Variants in LRFN5 observed in about 807,000 individuals in gnomAD.
The protein encoded by LRFN5 is leucine-rich repeat and fibronectin type-III domain-containing protein 5.
LRFN5 carries 24 observed loss-of-function variants against 45.6 expected under a neutral mutation model. The observed-to-expected ratio is 0.53, with a 90% CI of 0.38 to 0.74. The LOEUF is 0.74. Ranked by LOEUF, LRFN5 falls within the 30% of genes least tolerant of loss-of-function variation. The pLI, the probability that LRFN5 is intolerant of heterozygous loss-of-function variation, is 0.00. For missense variants in LRFN5, 776 were observed against 861.5 expected, an observed-to-expected ratio of 0.90 and a Z score of 1.24; for synonymous variants, 340 against 313.8, an observed-to-expected ratio of 1.08 and a Z score of -0.88.
intron 1 of LRFN5, among the ~76,000 whole-genome samples, chr14:41,685,225 G>A (rs562295165): frequency 2.5e-4 from 38 of 152,242 alleles, no homozygotes; most frequent in Non-Finnish European, 4.9e-4. Flanking sequence ...AAGTCCTGGA[G>A]AACAGTATGG....
At chr14:41,837,971 A>G (rs982221374) in intron 2 of LRFN5, among the ~76,000 whole-genome samples, 25 of 152,326 alleles carry the variant, frequency 1.6e-4, no homozygotes, top group Admixed American at 1.4e-3. Flanking sequence ...ACATATCCAC[A>G]TGAGACTATA....
intron 1 of LRFN5, among the ~76,000 whole-genome samples, chr14:41,740,914 A>G (rs947837449): frequency 6.6e-6 from 1 of 152,046 alleles, no homozygotes; most frequent in Non-Finnish European, 1.5e-5. Context: ...AAAGAGTACT[A>G]TTTCTATAAA....
intron 2 of LRFN5, among the ~76,000 whole-genome samples, chr14:41,883,433 TTCCATCA>T (rs1181515386): frequency 2.0e-5 from 3 of 152,184 alleles, no homozygotes; most frequent in Admixed American, 1.3e-4. Context: ...TTCAAGTTTC[TTCCATCA>T]TATATAATTT....
intron 2 of LRFN5, among the ~76,000 whole-genome samples, chr14:41,878,178 A>G (rs1890250575): frequency 6.6e-6 from 1 of 152,156 alleles, no homozygotes; most frequent in Admixed American, 6.5e-5. Context: ...TCTAAGCTAT[A>G]TTATAAAATA....
At chr14:41,702,717 G>A (rs1179827351) in intron 1 of LRFN5, among the ~76,000 whole-genome samples, 1 of 151,396 alleles carries the variant, frequency 6.6e-6, no homozygotes, top group African/African-American at 2.4e-5. Context: ...CTCCTGCTTG[G>A]GCCTCTCAAA....
chr14:41,781,582 AAGAAAGAAAGAAAGAAAG>A (rs1296362839), intron 2 of LRFN5, among the ~76,000 whole-genome samples: 8 of 112,502 alleles, frequency 7.1e-5, no homozygotes, highest in African/African-American at 3.2e-4. Context: ...GAAAGAAAGA[AAGAAAGAAAGAAAGAAAG>A]AAAGAAAGAA....
intron 1 of LRFN5, among the ~76,000 whole-genome samples, chr14:41,623,748 G>A (rs1361625013): frequency 6.6e-6 from 1 of 152,024 alleles, no homozygotes; most frequent in Non-Finnish European, 1.5e-5. Context: ...CACTGGGCAG[G>A]CTTCTTCAGG....
chr14:41,714,897 C>T (rs956553121), intron 1 of LRFN5, among the ~76,000 whole-genome samples: 2 of 149,326 alleles, frequency 1.3e-5, no homozygotes, highest in African/African-American at 5.1e-5. Context: ...AAAGTAAGAC[C>T]CTATTTTTTT....
At chr14:41,767,371 A>G (rs910200049) in intron 2 of LRFN5, among the ~76,000 whole-genome samples, 5 of 152,178 alleles carry the variant, frequency 3.3e-5, no homozygotes, top group African/African-American at 1.2e-4. Flanking sequence ...AAGGTTCAAA[A>G]TGACCAAATA....
intron 2 of LRFN5, among the ~76,000 whole-genome samples, chr14:41,859,896 C>T (rs1010298742): frequency 6.6e-6 from 1 of 152,116 alleles, no homozygotes; most frequent in African/African-American, 2.4e-5. Flanking sequence ...TAATAATCAA[C>T]CATTTATCAC....
Position 41,904,273 on chromosome 14 carries a change from G to A in LRFN5, c.*98G>A. 7.2e-7 allele frequency: 1 copy of A among 1,384,314 alleles called. No homozygotes were observed. Among genetic ancestry groups the A allele is most frequent in the Admixed American group, 1.7e-5 (1 of 58,754 alleles). The allele number at this position is 1,384,314 out of a possible 1,614,324, so 85.8% of individuals were successfully genotyped here. A position where few individuals can be genotyped will look rare whatever the true frequency, so the allele number is the denominator to read the frequency against. On this transcript the variant is annotated 3_prime_UTR_variant, in exon 6 of 6. Coordinates refer to ENST00000298119, the MANE Select transcript of LRFN5 (RefSeq NM_152447.5). ...TTTCAATTCACAAAGGCTAATTGTTGAACTGGTGTCGTAGAAGAAATTGTC... is the reference window on the plus strand; with the variant it reads ...TTTCAATTCACAAAGGCTAATTGTTAAACTGGTGTCGTAGAAGAAATTGTC...
chr14:41,723,663 C>T (rs774282393), intron 1 of LRFN5, among the ~76,000 whole-genome samples: 3 of 152,034 alleles, frequency 2.0e-5, no homozygotes, highest in East Asian at 1.9e-4. Flanking sequence ...CTGCAAATCT[C>T]GTTGCCCAGG....
chr14:41,648,767 C>A (rs2138613735), intron 1 of LRFN5, among the ~76,000 whole-genome samples: 1 of 152,006 alleles, frequency 6.6e-6, no homozygotes, highest in South Asian at 2.1e-4. Flanking sequence ...GAGGCATCCA[C>A]TTTTGTTTTT....
At chr14:41,783,148 C>A (rs1414211197) in intron 2 of LRFN5, among the ~76,000 whole-genome samples, 1 of 151,854 alleles carries the variant, frequency 6.6e-6, no homozygotes, top group African/African-American at 2.4e-5. Flanking sequence ...TTCCCCTTTC[C>A]CTGCCAGAAG....
chr14:41,898,152 G>A (rs1890999074), intron 4 of LRFN5, among the ~76,000 whole-genome samples: 3 of 151,952 alleles, frequency 2.0e-5, no homozygotes, highest in African/African-American at 7.2e-5. Context: ...TCAATCTCGT[G>A]ACACTCACCT....
In LRFN5 at chr14:41,898,939, C is replaced by T. The variant is rs747124587; in HGVS notation, c.2121C>T (p.Asp707=). ...IKPNALLTNV[D]QIVQETQRLE... ...CAGATGCTTTGCTGACTAATGTTGA[C>T]CAGATTGTCCAGGAAACACAGGTGA... is the stretch of plus-strand genomic sequence containing the variant. Residue 707 remains aspartate, a synonymous_variant, in exon 5 of 6, where the codon GAC becomes GAT. Transcript: ENST00000298119. The T allele has an allele frequency of 5.0e-6, 8 of 1,610,924 alleles. No individual in the cohort carries two copies. The highest frequency in any genetic ancestry group is 6.8e-6 in the Non-Finnish European group (8 of 1,178,580).
chr14:41,873,291 A>C (rs1325058747), intron 2 of LRFN5, among the ~76,000 whole-genome samples: 1 of 151,810 alleles, frequency 6.6e-6, no homozygotes, highest in Non-Finnish European at 1.5e-5. Context: ...GCTTTTTTAA[A>C]TTTTTCTTTA....
chr14:41,744,051 C>T (rs1884817578), intron 1 of LRFN5, among the ~76,000 whole-genome samples: 1 of 152,018 alleles, frequency 6.6e-6, no homozygotes, highest in Non-Finnish European at 1.5e-5. Context: ...AAAGAATATA[C>T]ACAAAAGAAA....
At chr14:41,641,201 T>A (rs549635330) in intron 1 of LRFN5, among the ~76,000 whole-genome samples, 15 of 152,084 alleles carry the variant, frequency 9.9e-5, no homozygotes, top group Admixed American at 3.3e-4. Context: ...TTAGAGGGCG[T>A]TTGAAAACGC....
Sources: allele counts gnomAD v4.1 joint callset (sites outside exome capture counted in the v4.1 genomes callset), GRCh38; gene constraint gnomAD v4.1.1; transcripts MANE v1.5; gene names NCBI Gene and HGNC (gene_info 2026-07-23, HGNC 2026-07-21).